Variants in CSE1L observed in about 807,000 individuals in gnomAD.
CSE1L encodes the protein exportin-2.
Under a neutral mutation model 120.4 loss-of-function variants are expected in CSE1L, and 24 were observed. The observed-to-expected ratio is 0.20, with a 90% CI of 0.14 to 0.28. The LOEUF is 0.28. CSE1L is among the 10% of genes least tolerant of loss of function. The pLI is 1.00. For synonymous variants in CSE1L, 402 were observed against 398.3 expected (o/e 1.01, Z -0.11); for missense variants, 830 against 1,145.2 (o/e 0.72, Z 3.97).
intron 24 of CSE1L, among the ~76,000 whole-genome samples, chr20:49,095,839 C>T (rs896721801): frequency 2.0e-5 from 3 of 152,050 alleles, no homozygotes; most frequent in Non-Finnish European, 4.4e-5. Flanking sequence ...CCAGCCTGGG[C>T]AACAGAGCGA....
intron 1 of CSE1L, among the ~76,000 whole-genome samples, chr20:49,056,528 C>G (rs941566906): frequency 5.3e-5 from 8 of 152,178 alleles, no homozygotes; most frequent in Admixed American, 1.3e-4. Context: ...AATTTTAGAA[C>G]ACTCTGTCAC....
chr20:49,093,562 CTCTTTT>C (rs1225053233), intron 22 of CSE1L, among the ~76,000 whole-genome samples: 2 of 123,216 alleles, frequency 1.6e-5, no homozygotes, highest in African/African-American at 3.0e-5. Flanking sequence ...TTGCTCCTCT[CTCTTTT>C]TTTTTTTTTT....
rs1209018600 is a variant in CSE1L at position 49,066,105 on chromosome 20, A to T, written c.229-87A>T. On this transcript the variant is annotated intron_variant, in intron 3 of 24. Coordinates refer to ENST00000262982, the MANE Select transcript of CSE1L (RefSeq NM_001316.4). The stretch of plus-strand genomic sequence containing the variant: ...ATTTGTTTTCTTAGAAAATTAGTAA[A>T]TAAAAAAACAGTTATGTTTTACCTA... 14 of 1,124,152 alleles carry T rather than the reference A, an allele frequency of 1.2e-5. No individual in the cohort carries two copies. The East Asian group carries it at 3.3e-4, about 26-fold the overall frequency. 69.6% of individuals were successfully genotyped at this position (1,124,152 alleles called of 1,614,324 possible).
At chr20:49,061,258 C>T (rs1213720312) in intron 2 of CSE1L, among the ~76,000 whole-genome samples, 8 of 149,038 alleles carry the variant, frequency 5.4e-5, no homozygotes, top group Admixed American at 2.0e-4. Flanking sequence ...CTGCAAGCTC[C>T]GCCTCCCGGG....
chr20:49,051,274 G>C (rs576600524), intron 1 of CSE1L, among the ~76,000 whole-genome samples: 38 of 152,298 alleles, frequency 2.5e-4, no homozygotes, highest in African/African-American at 9.1e-4. Flanking sequence ...GGCCGGGCAC[G>C]GTGGCTCATG....
chr20:49,057,692 T>C (rs1164055589), intron 1 of CSE1L, among the ~76,000 whole-genome samples: 3 of 152,102 alleles, frequency 2.0e-5, no homozygotes, highest in Non-Finnish European at 4.4e-5. Flanking sequence ...AGTGCTATGG[T>C]GCGATCTCAG....
At chr20:49,065,021 G>T (rs2091880080) in intron 3 of CSE1L, among the ~76,000 whole-genome samples, 1 of 151,480 alleles carries the variant, frequency 6.6e-6, no homozygotes, top group African/African-American at 2.4e-5. Flanking sequence ...GCCAGGTGTG[G>T]TCGTGTGTGG....
chr20:49,079,220 T>TA (rs985672881), intron 14 of CSE1L, among the ~76,000 whole-genome samples: 3 of 150,510 alleles, frequency 2.0e-5, no homozygotes, highest in African/African-American at 7.3e-5. Context: ...TTTATTTATT[T>TA]AAAAAAAATT....
At chr20:49,061,755 G>A (rs1434716250) in intron 2 of CSE1L, among the ~76,000 whole-genome samples, 9 of 150,116 alleles carry the variant, frequency 6.0e-5, no homozygotes, top group South Asian at 2.1e-4. Flanking sequence ...CACTCGTCTC[G>A]GCCTCCCATA....
intron 6 of CSE1L, among the ~76,000 whole-genome samples, chr20:49,068,070 C>G: frequency 6.6e-6 from 1 of 151,010 alleles, no homozygotes; most frequent in South Asian, 2.1e-4. Flanking sequence ...ACCTGTTAAT[C>G]GCATTTAGAA....
chr20:49,052,613 T>TTGGTGGTGG (rs1225899101), intron 1 of CSE1L, among the ~76,000 whole-genome samples: 37 of 151,910 alleles, frequency 2.4e-4, no homozygotes, highest in African/African-American at 8.0e-4. Flanking sequence ...GGTAAGGGAT[T>TTGGTGGTGG]TGGTGGTGGT....
chr20:49,091,576 A>T (rs1174701917), intron 21 of CSE1L, among the ~76,000 whole-genome samples: 1 of 152,178 alleles, frequency 6.6e-6, no homozygotes, highest in Non-Finnish European at 1.5e-5. Flanking sequence ...TCTACAAAAC[A>T]GCCAAGCATG....
rs1242024411 is a variant in CSE1L at position 49,072,297 on chromosome 20, A to G, written c.780A>G (p.Glu260=). 6.2e-7 allele frequency: 1 copy of G among 1,614,012 alleles called. No individual in the cohort carries two copies. Among genetic ancestry groups the G allele is most frequent in the East Asian group, 2.2e-5 (1 of 44,874 alleles). The change falls in exon 9 of 25, where the codon GAA becomes GAG. Residue 260 remains glutamate, a synonymous_variant. Coordinates refer to ENST00000262982, the MANE Select transcript of CSE1L (RefSeq NM_001316.4). ...NKLLQTDDEE[E]AGLLELLKSQ... is the part of the protein sequence containing the mutation. ...TTCTTTTATGTGAGGATGAAGAGGAAGCCGGCTTATTGGAGCTCTTAAAAT... is the reference window on the plus strand; with the variant it reads ...TTCTTTTATGTGAGGATGAAGAGGAGGCCGGCTTATTGGAGCTCTTAAAAT...
intron 1 of CSE1L, among the ~76,000 whole-genome samples, chr20:49,049,881 G>A (rs2426110): frequency 0.25 from 37,446 of 152,062 alleles, 5,275 homozygotes; most frequent in East Asian, 0.47. Context: ...ACAAAAATTA[G>A]CCAGGTGTGG....
intron 1 of CSE1L, among the ~76,000 whole-genome samples, chr20:49,049,296 A>T (rs1331223394): frequency 6.6e-6 from 1 of 150,992 alleles, no homozygotes; most frequent in African/African-American, 2.4e-5. Flanking sequence ...CTATCCTCCT[A>T]CCTCAGCCTC....
At chr20:49,093,126 A>T (rs1021254828) in intron 22 of CSE1L, among the ~76,000 whole-genome samples, 4 of 152,220 alleles carry the variant, frequency 2.6e-5, no homozygotes, top group African/African-American at 9.6e-5. Flanking sequence ...AAAATTCTAC[A>T]TTGACTAAAA....
chr20:49,065,218 T>G (rs1010327796), intron 3 of CSE1L, among the ~76,000 whole-genome samples: 1 of 150,928 alleles, frequency 6.6e-6, no homozygotes. Context: ...AGAGTTAAAT[T>G]GAAGCTTTTG....
chr20:49,076,097 G>T (rs1292086590), intron 12 of CSE1L, among the ~76,000 whole-genome samples: 1 of 152,216 alleles, frequency 6.6e-6, no homozygotes, highest in African/African-American at 2.4e-5. Context: ...CTCCCAGAGT[G>T]CTGGGATACA....
In CSE1L at chr20:49,089,267, T is replaced by C; in HGVS notation, c.1842T>C (p.Phe614=). The change falls in exon 18 of 25, where the codon TTT becomes TTC. Residue 614 remains phenylalanine, a synonymous_variant. Coordinates refer to ENST00000262982, the MANE Select transcript of CSE1L (RefSeq NM_001316.4). ...TTCAGAACCCAAGCAAACCTCACTT[T>C]AATCACTACATGTTTGAAGCAATAT... is the stretch of plus-strand genomic sequence containing the variant. The part of the protein sequence containing the change: ...AVSKNPSKPH[F]NHYMFEAICL... 4 of 1,588,288 alleles carry C rather than the reference T, an allele frequency of 2.5e-6. No homozygotes were observed. Among genetic ancestry groups the C allele is most frequent in the South Asian group, 1.2e-5 (1 of 85,024 alleles).
Sources: gnomAD v4.1 joint callset for allele counts (sites outside exome capture counted in the v4.1 genomes callset) on GRCh38, gnomAD v4.1.1 for gene constraint, MANE v1.5 for transcripts, NCBI Gene and HGNC (gene_info 2026-07-23, HGNC 2026-07-21) for gene names.